Variants in MRPL33 observed in about 807,000 individuals in gnomAD.
MRPL33 encodes the protein large ribosomal subunit protein bL33m.
MRPL33 carries 5 observed loss-of-function variants against 10.1 expected under a neutral mutation model. The observed-to-expected ratio is 0.49, with a 90% CI of 0.26 to 1.04. The LOEUF is 1.04. Among genes scored for constraint, MRPL33 ranks in the 50% least tolerant of loss-of-function variants. The pLI is 0.14. For missense variants in MRPL33, 79 were observed against 78.1 expected (o/e 1.01, Z -0.04); for synonymous variants, 24 against 27.7 (o/e 0.87, Z 0.42).
chr2:27,772,848 G>T, intron 2 of MRPL33, 156 bp downstream of exon 2: 1 of 613,888 alleles, frequency 1.6e-6, no homozygotes, highest in Non-Finnish European at 2.8e-6. Flanking sequence ...TTTTCTTTAT[G>T]AACTCTTTCA....
chr2:27,773,438 TG>T (rs1677090074), intron 2 of MRPL33, among the ~76,000 whole-genome samples: 1 of 152,256 alleles, frequency 6.6e-6, no homozygotes, highest in African/African-American at 2.4e-5. Flanking sequence ...CAAAATTCCC[TG>T]CCCCAGGGAT....
chr2:27,775,216 T>TA (rs1306220760), intron 3 of MRPL33, among the ~76,000 whole-genome samples: 1 of 152,160 alleles, frequency 6.6e-6, no homozygotes, highest in Non-Finnish European at 1.5e-5. Context: ...CAAACAAAAA[T>TA]AGAGTCAGCA....
At chr2:27,774,186 T>C (rs534233442) in intron 2 of MRPL33, among the ~76,000 whole-genome samples, 1 of 152,190 alleles carries the variant, frequency 6.6e-6, no homozygotes, top group Non-Finnish European at 1.5e-5. Context: ...ATTGTTCTTA[T>C]TGTTTTGGTT....
At position 27,779,452 on chromosome 2, in the gene MRPL33, C is replaced by T. The variant is rs770157333; in HGVS notation, c.168C>T (p.Phe56=). ...CCATAGTGAAACAAAGAGTCCTCTT[C>T]GTGGAAAAGAAAAAAATACGCTCCC... ...YDPVVKQRVL[F]VEKKKIRSL is the part of the protein sequence containing the mutation. Residue 56 remains phenylalanine, a synonymous_variant, in exon 4 of 4, where the codon TTC becomes TTT. Coordinates refer to ENST00000296102, the MANE Select transcript of MRPL33 (RefSeq NM_004891.4). The T allele has an allele frequency of 1.7e-5, 27 of 1,607,866 alleles. No individual in the cohort carries two copies. Among genetic ancestry groups the T allele is most frequent in the South Asian group, 1.2e-4 (11 of 89,244 alleles).
intron 3 of MRPL33, among the ~76,000 whole-genome samples, chr2:27,778,648 G>A (rs1573025570): frequency 6.6e-6 from 1 of 151,784 alleles, no homozygotes; most frequent in East Asian, 1.9e-4. Context: ...TCTGCCTCCC[G>A]GGTTCAAGTG....
intron 3 of MRPL33, 81 bp from the exon 4 acceptor site, chr2:27,779,352 A>G (rs1175987260): frequency 4.2e-6 from 6 of 1,438,120 alleles, no homozygotes; most frequent in Non-Finnish European, 4.7e-6. Context: ...GTGAGGGCTT[A>G]TGGTCTGATA....
chr2:27,772,721 G>A (rs1432297802), intron 2 of MRPL33, 29 bp downstream of exon 2: 2 of 1,570,068 alleles, frequency 1.3e-6, no homozygotes, highest in South Asian at 1.1e-5. Context: ...TTTTTTAAAC[G>A]TCACTTGTTT....
chr2:27,778,118 T>A (rs955593615), intron 3 of MRPL33, among the ~76,000 whole-genome samples: 9 of 152,166 alleles, frequency 5.9e-5, no homozygotes, highest in African/African-American at 2.2e-4. Context: ...ATTCTTAAAT[T>A]CAGCTGCCCA....
At chr2:27,772,835 AT>A in intron 2 of MRPL33, 143 bp downstream of exon 2, 1 of 636,856 alleles carries the variant, frequency 1.6e-6, no homozygotes. Flanking sequence ...TTAGTTGATT[AT>A]TTTTTCTTTA....
Position 27,779,644 on chromosome 2 carries a change from A to C in MRPL33, c.*162A>C. 1 of 1,417,080 alleles carries C rather than the reference A, an allele frequency of 7.1e-7. No individual in the cohort carries two copies. Among genetic ancestry groups the C allele is most frequent in the Non-Finnish European group, 9.5e-7 (1 of 1,047,962 alleles). The allele number at this position is 1,417,080 out of a possible 1,614,324, so 87.8% of individuals were successfully genotyped here. ...TGAAGGAAAACAATGCAGTGAAAGA[A>C]AGTTCTTCATATTAGGACAGATATC... On this transcript the variant is annotated 3_prime_UTR_variant, in exon 4 of 4. Coordinates refer to ENST00000296102, the MANE Select transcript of MRPL33 (RefSeq NM_004891.4).
At chr2:27,775,652 A>G (rs1210329051) in intron 3 of MRPL33, among the ~76,000 whole-genome samples, 1 of 152,104 alleles carries the variant, frequency 6.6e-6, no homozygotes, top group Non-Finnish European at 1.5e-5. Context: ...GCACCCGGCC[A>G]TTGCTTCTTA....
chr2:27,776,778 T>A (rs560667785), intron 3 of MRPL33, among the ~76,000 whole-genome samples: 2 of 152,358 alleles, frequency 1.3e-5, no homozygotes, highest in African/African-American at 4.8e-5. Flanking sequence ...ACAGATTCAT[T>A]CTTCTATGAA....
intron 1 of MRPL33, chr2:27,772,104 C>A: frequency 2.5e-6 from 1 of 407,880 alleles, no homozygotes; most frequent in Non-Finnish European, 4.4e-6. Flanking sequence ...GTCCGAAGGA[C>A]CTCAGAATTT....
intron 3 of MRPL33, among the ~76,000 whole-genome samples, chr2:27,776,665 G>A (rs1677179975): frequency 6.6e-6 from 1 of 152,210 alleles, no homozygotes; most frequent in East Asian, 1.9e-4. Flanking sequence ...ATCATAAAGA[G>A]AATGAAAACT....
At chr2:27,775,664 C>A (rs1203241236) in intron 3 of MRPL33, among the ~76,000 whole-genome samples, 1 of 152,140 alleles carries the variant, frequency 6.6e-6, no homozygotes, top group Non-Finnish European at 1.5e-5. Flanking sequence ...TGCTTCTTAA[C>A]AAGATAATGG....
intron 3 of MRPL33, among the ~76,000 whole-genome samples, chr2:27,774,956 A>G (rs901225468): frequency 1.3e-5 from 2 of 152,222 alleles, no homozygotes; most frequent in African/African-American, 4.8e-5. Flanking sequence ...GGAAACAGAC[A>G]AGTGTCTTAA....
chr2:27,772,896 T>C (rs1677079690), intron 2 of MRPL33: 2 of 533,892 alleles, frequency 3.7e-6, no homozygotes, highest in Admixed American at 3.7e-5. Flanking sequence ...GCTACTTCTG[T>C]GAGCATTGAA....
intron 3 of MRPL33, among the ~76,000 whole-genome samples, chr2:27,777,078 C>T (rs781649889): frequency 5.9e-5 from 9 of 152,168 alleles, no homozygotes; most frequent in Non-Finnish European, 1.2e-4. Flanking sequence ...GAGATGGGGT[C>T]TGTGTTGTGC....
At chr2:27,779,344 G>A (rs1475874304) in intron 3 of MRPL33, 89 bp from the exon 4 acceptor site, 1 of 1,390,352 alleles carries the variant, frequency 7.2e-7, no homozygotes, top group Non-Finnish European at 9.7e-7. Flanking sequence ...AGAGAAAGGT[G>A]AGGGCTTATG....
Sources: gnomAD v4.1 joint callset for allele counts (sites outside exome capture counted in the v4.1 genomes callset) on GRCh38, gnomAD v4.1.1 for gene constraint, MANE v1.5 for transcripts, NCBI Gene and HGNC (gene_info 2026-07-23, HGNC 2026-07-21) for gene names.